FGF12: variants seen among roughly 807,000 people sequenced by gnomAD.
The protein encoded by FGF12 is fibroblast growth factor 12.
Under a neutral mutation model 23.6 loss-of-function variants are expected in FGF12, and 14 were observed. The observed-to-expected ratio is 0.59, with a 90% confidence interval of 0.39 to 0.93. The LOEUF (loss-of-function observed/expected upper bound fraction) is 0.93, where lower values mean the gene tolerates loss of function less well. Ranked by LOEUF, FGF12 falls within the 40% of genes least tolerant of loss-of-function variation. FGF12 has a pLI of 0.00. For missense variants in FGF12, 175 were observed against 217.8 expected (o/e 0.80, Z 1.24); for synonymous variants, 62 against 77.3 (o/e 0.80, Z 1.04).
chr3:192,457,403 A>T (rs1251779135), intron 2 of FGF12, among the ~76,000 whole-genome samples: 1 of 152,172 alleles, frequency 6.6e-6, no homozygotes, highest in Non-Finnish European at 1.5e-5. Context: ...AATGGTTTTG[A>T]CTACAATGCT....
chr3:192,381,434 G>T (rs984865754), intron 2 of FGF12, among the ~76,000 whole-genome samples: 4 of 152,074 alleles, frequency 2.6e-5, no homozygotes, highest in African/African-American at 9.7e-5. Flanking sequence ...TTGATACCAC[G>T]CCAAGGAACA....
chr3:192,248,665 C>G (rs1376649605), intron 4 of FGF12, among the ~76,000 whole-genome samples: 6 of 152,134 alleles, frequency 3.9e-5, no homozygotes, highest in African/African-American at 1.2e-4. Context: ...GTGGTCCCAG[C>G]TACTCATGAG....
At chr3:192,319,582 G>A (rs1716422054) in intron 4 of FGF12, among the ~76,000 whole-genome samples, 1 of 151,888 alleles carries the variant, frequency 6.6e-6, no homozygotes, top group Non-Finnish European at 1.5e-5. Flanking sequence ...GGGTGACAGA[G>A]TAAGACTGTC....
chr3:192,319,883 T>C (rs937664433), intron 4 of FGF12, among the ~76,000 whole-genome samples: 30 of 151,930 alleles, frequency 2.0e-4, no homozygotes, highest in Admixed American at 6.6e-5. Context: ...TAAAATATGC[T>C]AGCAGAGAAA....
At chr3:192,683,033 C>T (rs1238686661) in intron 2 of FGF12, among the ~76,000 whole-genome samples, 2 of 152,178 alleles carry the variant, frequency 1.3e-5, no homozygotes, top group Admixed American at 6.5e-5. Flanking sequence ...TGTGTCTCTT[C>T]GTTTGGCTGC....
chr3:192,275,739 T>C (rs1261521251), intron 4 of FGF12, among the ~76,000 whole-genome samples: 1 of 152,158 alleles, frequency 6.6e-6, no homozygotes, highest in Non-Finnish European at 1.5e-5. Flanking sequence ...GAAATGTACT[T>C]TGGGGACAAA....
At chr3:192,561,609 G>C (rs941836845) in intron 2 of FGF12, among the ~76,000 whole-genome samples, 13 of 151,942 alleles carry the variant, frequency 8.6e-5, no homozygotes, top group Admixed American at 3.9e-4. Flanking sequence ...TGATCCGCCC[G>C]CCTCGGCCTC....
intron 2 of FGF12, among the ~76,000 whole-genome samples, chr3:192,463,849 A>T (rs1722932096): frequency 2.0e-5 from 3 of 151,988 alleles, no homozygotes; most frequent in African/African-American, 7.2e-5. Flanking sequence ...TTGTTTTTTT[A>T]AATTAAGAAC....
At chr3:192,520,518 T>G (rs2108845593) in intron 2 of FGF12, among the ~76,000 whole-genome samples, 1 of 152,346 alleles carries the variant, frequency 6.6e-6, no homozygotes, top group South Asian at 2.1e-4. Context: ...TACTATTTTC[T>G]TTTGAAAGTG....
At chr3:192,676,267 C>T (rs930851753) in intron 2 of FGF12, among the ~76,000 whole-genome samples, 1 of 152,238 alleles carries the variant, frequency 6.6e-6, no homozygotes, top group African/African-American at 2.4e-5. Flanking sequence ...CACCCAACAT[C>T]ACACTTCCTA....
At chr3:192,149,881 A>C (rs13099860) in intron 5 of FGF12, among the ~76,000 whole-genome samples, 15,809 of 86,414 alleles carry the variant, frequency 0.18, 2,994 homozygotes, top group Middle Eastern at 0.26. Context: ...ATCCCTGAGG[A>C]ATCGCCACAC....
intron 2 of FGF12, among the ~76,000 whole-genome samples, chr3:192,607,541 T>C (rs1714384007): frequency 6.6e-6 from 1 of 152,112 alleles, no homozygotes; most frequent in Non-Finnish European, 1.5e-5. Flanking sequence ...AGACTAAATA[T>C]GATGTCAATG....
At position 192,314,754 on chromosome 3, in the gene FGF12, T is replaced by C. The variant is rs116252170; in HGVS notation, c.228+20607A>G. On this transcript the variant is annotated intron_variant, in intron 4 of 5. Coordinates refer to ENST00000445105, the MANE Select transcript of FGF12 (RefSeq NM_004113.6). ...GAAATTTGTTATTAATAATTGGTCT[T>C]AGGAAATAAAATCAGAAGAGGAAAC... 1.3e-3 allele frequency among the ~76,000 whole-genome samples: 199 copies of C among 152,284 alleles called. 1 individual carries two copies. The highest frequency in any genetic ancestry group is 4.5e-3 in the African/African-American group (188 of 41,566).
chr3:192,698,565 C>G lies in FGF12; in HGVS notation c.13+28616G>C, dbSNP rs1577128163. On this transcript the variant is annotated intron_variant, in intron 2 of 5. Coordinates refer to ENST00000445105, the MANE Select transcript of FGF12 (RefSeq NM_004113.6). Reference sequence around the variant, plus strand: ...TGCGTCAGACATTATCCTGAGGACACAGAAGCCATAAAAGTGAGTAAACAT... The same window carrying G: ...TGCGTCAGACATTATCCTGAGGACAGAGAAGCCATAAAAGTGAGTAAACAT... Among the ~76,000 whole-genome samples, 3 of 146,254 alleles carry G rather than the reference C, an allele frequency of 2.1e-5. No individual in the cohort carries two copies. In the South Asian group the frequency reaches 6.8e-4, roughly 33 times the overall value.
intron 4 of FGF12, among the ~76,000 whole-genome samples, chr3:192,226,411 CTTAAAA>C (rs1718739458): frequency 6.6e-6 from 1 of 152,090 alleles, no homozygotes; most frequent in Non-Finnish European, 1.5e-5. Context: ...TGCTGAGATC[CTTAAAA>C]TAAGAATAAG....
At chr3:192,555,299 A>T (rs977146227) in intron 2 of FGF12, among the ~76,000 whole-genome samples, 3 of 152,200 alleles carry the variant, frequency 2.0e-5, no homozygotes, top group Non-Finnish European at 4.4e-5. Context: ...CAAAAGAGAA[A>T]GTGACTTTCA....
chr3:192,234,707 T>C (rs915666578), intron 4 of FGF12, among the ~76,000 whole-genome samples: 1 of 152,142 alleles, frequency 6.6e-6, no homozygotes, highest in Non-Finnish European at 1.5e-5. Context: ...TGAGGTATGG[T>C]CTTTCAATGG....
chr3:192,165,940 A>AT (rs1715138668), intron 5 of FGF12, among the ~76,000 whole-genome samples: 1 of 152,222 alleles, frequency 6.6e-6, no homozygotes, highest in African/African-American at 2.4e-5. Context: ...TAAAATGAGG[A>AT]TAAAAATACA....
At chr3:192,283,050 C>T (rs888973560) in intron 4 of FGF12, 2 of 152,134 alleles carry the variant, frequency 1.3e-5, no homozygotes, top group Non-Finnish European at 2.9e-5. Flanking sequence ...GAGGGAAAAC[C>T]GGGAGGGACT....
Sources: gnomAD v4.1 joint callset for allele counts (sites outside exome capture counted in the v4.1 genomes callset) on GRCh38, gnomAD v4.1.1 for gene constraint, MANE v1.5 for transcripts, NCBI Gene and HGNC (gene_info 2026-07-23, HGNC 2026-07-21) for gene names.